PDE10A: variants seen among roughly 807,000 people sequenced by gnomAD.
PDE10A encodes the protein phosphodiesterase 10A, also known as cAMP and cAMP-inhibited cGMP 3',5'-cyclic phosphodiesterase 10A.
In PDE10A, 39 loss-of-function variants were observed where a neutral mutation model predicts 97.7. That is an observed-to-expected ratio of 0.40 (90% confidence interval 0.31 to 0.52). The LOEUF (loss-of-function observed/expected upper bound fraction) is 0.52, where lower values mean the gene tolerates loss of function less well. Among genes scored for constraint, PDE10A ranks in the 20% least tolerant of loss-of-function variants. The probability of loss-of-function intolerance (pLI) is 0.56; values close to 1 mark genes in which losing one functional copy is unlikely to be tolerated. For missense variants in PDE10A, 731 were observed against 1,047.8 expected, an observed-to-expected ratio of 0.70 and a Z score of 4.17; for synonymous variants, 371 against 376.8, an observed-to-expected ratio of 0.98 and a Z score of 0.18.
At chr6:165,849,411 A>G (rs1338653754) in intron 1 of PDE10A, among the ~76,000 whole-genome samples, 2 of 152,328 alleles carry the variant, frequency 1.3e-5, no homozygotes, top group South Asian at 2.1e-4. Context: ...TACAACTGAA[A>G]TGTCTAAGAC....
intron 1 of PDE10A, among the ~76,000 whole-genome samples, chr6:165,693,986 A>G (rs979603976): frequency 9.2e-5 from 14 of 152,218 alleles, no homozygotes; most frequent in Non-Finnish European, 1.8e-4. Context: ...TCTGGATTTC[A>G]TCATGTCTAC....
At chr6:165,386,845 A>G (rs1453484817) in intron 17 of PDE10A, among the ~76,000 whole-genome samples, 1 of 124,344 alleles carries the variant, frequency 8.0e-6, no homozygotes, top group Non-Finnish European at 1.7e-5. Context: ...TACTAAAAAA[A>G]AAAAAAATAC....
chr6:165,349,965 T>C (rs927672969), intron 18 of PDE10A, among the ~76,000 whole-genome samples: 15 of 152,200 alleles, frequency 9.9e-5, no homozygotes, highest in African/African-American at 3.6e-4. Context: ...AGGCAGAAGT[T>C]TGCTGCAGGG....
In PDE10A at chr6:165,421,804, G is replaced by T. The variant is rs563707036; in HGVS notation, c.1654-3027C>A. ...GTGGCTGGGTGCAGGGGCTCACGCT[G>T]TACTTCCAGCACCTTGGGAGGCCAA... On this transcript the variant is annotated intron_variant, in intron 10 of 21. Coordinates refer to ENST00000539869, the MANE Select transcript of PDE10A (RefSeq NM_001385079.1). Among the ~76,000 whole-genome samples the T allele has an allele frequency of 2.6e-5, 4 of 152,362 alleles. No individual in the cohort carries two copies. In the South Asian group the frequency reaches 6.2e-4, roughly 24 times the overall value.
intron 2 of PDE10A, among the ~76,000 whole-genome samples, chr6:165,485,155 C>T (rs1029490553): frequency 7.2e-5 from 11 of 152,286 alleles, no homozygotes; most frequent in South Asian, 2.1e-4. Context: ...CATTACCACA[C>T]GGAGACCAAG....
At chr6:165,582,653 T>C (rs1785682192) in intron 1 of PDE10A, among the ~76,000 whole-genome samples, 2 of 151,718 alleles carry the variant, frequency 1.3e-5, no homozygotes, top group African/African-American at 4.8e-5. Flanking sequence ...ACACCATGGA[T>C]TCAAGGGTCA....
At chr6:165,914,012 T>G (rs1782537570) in intron 1 of PDE10A, among the ~76,000 whole-genome samples, 1 of 152,276 alleles carries the variant, frequency 6.6e-6, no homozygotes. Context: ...TTCAATATTC[T>G]AAATATCTTA....
chr6:165,473,668 C>T (rs1403786289), intron 3 of PDE10A, among the ~76,000 whole-genome samples: 1 of 152,182 alleles, frequency 6.6e-6, no homozygotes, highest in South Asian at 2.1e-4. Context: ...GAAATCTCAT[C>T]AAGCCTGTAT....
intron 10 of PDE10A, among the ~76,000 whole-genome samples, chr6:165,423,222 T>C (rs1788850773): frequency 2.6e-5 from 4 of 152,220 alleles, no homozygotes; most frequent in Admixed American, 2.6e-4. Flanking sequence ...CAATGGCTTT[T>C]CAGCAGTCTG....
intron 1 of PDE10A, among the ~76,000 whole-genome samples, chr6:165,984,511 C>T (rs759089717): frequency 1.6e-4 from 25 of 152,206 alleles, no homozygotes; most frequent in Non-Finnish European, 3.5e-4. Context: ...CCATAGACTT[C>T]GTCTGCTCTT....
chr6:165,434,821 G>C (rs1789882073), intron 6 of PDE10A, among the ~76,000 whole-genome samples: 1 of 152,176 alleles, frequency 6.6e-6, no homozygotes, highest in Admixed American at 6.5e-5. Context: ...CAGACCAGCA[G>C]AATAACCCAG....
rs1783924886 is a variant in PDE10A at position 165,549,797 on chromosome 6, AT to A, written c.866-6230del. On this transcript the variant is annotated intron_variant, in intron 1 of 21. Transcript: ENST00000539869. ...CTGAAGTCTCATCACCTTAATATCTATAAAAATTATTTATTTTAAAAGTCAG... is the reference window on the plus strand; with the variant it reads ...CTGAAGTCTCATCACCTTAATATCTAAAAAATTATTTATTTTAAAAGTCAG... 2.6e-5 allele frequency among the ~76,000 whole-genome samples: 4 copies of A among 152,328 alleles called. No individual in the cohort carries two copies. In the South Asian group the frequency reaches 8.3e-4, roughly 32 times the overall value.
intron 1 of PDE10A, among the ~76,000 whole-genome samples, chr6:165,563,109 A>C (rs1784599869): frequency 6.7e-6 from 1 of 149,794 alleles, no homozygotes; most frequent in African/African-American, 2.4e-5. Context: ...TTCAGTACTT[A>C]TTATAAAAGT....
At chr6:165,665,473 G>T (rs546528760), upstream of PDE10A, among the ~76,000 whole-genome samples, 27 of 152,228 alleles carry the variant, frequency 1.8e-4, no homozygotes, top group African/African-American at 6.0e-4. Flanking sequence ...TAAACGCACC[G>T]GCCCATAACG....
chr6:165,954,446 C>T (rs544847851), intron 1 of PDE10A, among the ~76,000 whole-genome samples: 4 of 152,320 alleles, frequency 2.6e-5, no homozygotes, highest in South Asian at 2.1e-4. Flanking sequence ...CACAGTTTAA[C>T]GTCTACCTAC....
chr6:165,891,760 G>C (rs1001515930), intron 1 of PDE10A, among the ~76,000 whole-genome samples: 3 of 152,070 alleles, frequency 2.0e-5, no homozygotes, highest in Non-Finnish European at 4.4e-5. Flanking sequence ...CAAGGCATCT[G>C]TAATGTAATT....
intron 19 of PDE10A, among the ~76,000 whole-genome samples, chr6:165,340,238 ATCT>A (rs1160362217): frequency 2.0e-5 from 3 of 152,160 alleles, no homozygotes; most frequent in Admixed American, 2.0e-4. Flanking sequence ...AACTTGTACA[ATCT>A]TCTTAAGATT....
intron 1 of PDE10A, chr6:165,576,513 T>A (rs1035570926): frequency 1.0e-5 from 8 of 776,840 alleles, no homozygotes; most frequent in Non-Finnish European, 1.9e-5. Flanking sequence ...TCTCTGTGGA[T>A]GACTTCTATA....
chr6:165,913,858 C>G (rs1350515929), intron 1 of PDE10A, among the ~76,000 whole-genome samples: 1 of 152,204 alleles, frequency 6.6e-6, no homozygotes, highest in African/African-American at 2.4e-5. Context: ...TGAGACAAGC[C>G]ATCCAGCAAA....
Sources: gnomAD v4.1 joint callset for allele counts (sites outside exome capture counted in the v4.1 genomes callset) on GRCh38, gnomAD v4.1.1 for gene constraint, MANE v1.5 for transcripts, NCBI Gene and HGNC (gene_info 2026-07-23, HGNC 2026-07-21) for gene names.